The following ESR1 variants were observed in gnomAD, a reference collection of about 807,000 sequenced individuals.
ESR1 encodes estrogen receptor 1, also known as estrogen receptor.
Under a neutral mutation model 52.7 loss-of-function variants are expected in ESR1, and 12 were observed. The ratio of observed to expected loss-of-function variants is 0.23; its 90% CI spans 0.15 to 0.37. The LOEUF (loss-of-function observed/expected upper bound fraction) is 0.37. Among genes scored for constraint, ESR1 ranks in the 10% least tolerant of loss-of-function variants. The pLI is 1.00. For synonymous variants in ESR1, 305 were observed against 316.8 expected, an observed-to-expected ratio of 0.96 and a Z score of 0.39; for missense variants, 584 against 779.7, an observed-to-expected ratio of 0.75 and a Z score of 2.99.
chr6:151,905,159 C>A (rs951740510), intron 3 of ESR1, among the ~76,000 whole-genome samples: 1 of 152,102 alleles, frequency 6.6e-6, no homozygotes, highest in East Asian at 1.9e-4. Context: ...GAGTAGAGAA[C>A]TCAAACAGCA....
At chr6:152,107,240 A>G (rs1245115506), downstream of ESR1, among the ~76,000 whole-genome samples, 1 of 152,016 alleles carries the variant, frequency 6.6e-6, no homozygotes, top group Non-Finnish European at 1.5e-5. Flanking sequence ...ATATGTTGGT[A>G]TGCTTGATGT....
chr6:152,042,709 G>A (rs2045909869), intron 5 of ESR1, among the ~76,000 whole-genome samples: 1 of 152,106 alleles, frequency 6.6e-6, no homozygotes, highest in South Asian at 2.1e-4. Flanking sequence ...ACTTGACCTG[G>A]AAGTTTTCTG....
intron 2 of ESR1, among the ~76,000 whole-genome samples, chr6:151,732,033 C>T (rs749554512): frequency 6.6e-6 from 1 of 152,060 alleles, no homozygotes; most frequent in Non-Finnish European, 1.5e-5. Flanking sequence ...CTTAGATCAC[C>T]CTTATTAACT....
intron 2 of ESR1, among the ~76,000 whole-genome samples, chr6:151,788,640 G>A (rs1048544236): frequency 1.3e-5 from 2 of 152,096 alleles, no homozygotes; most frequent in African/African-American, 2.4e-5. Flanking sequence ...CTATCATAAC[G>A]ACACATACAT....
chr6:151,867,261 A>G (rs1220530634), intron 2 of ESR1, among the ~76,000 whole-genome samples: 1 of 152,220 alleles, frequency 6.6e-6, no homozygotes. Context: ...TATAATTGAC[A>G]AATGGGATCT....
chr6:151,751,802 C>T (rs1288778693), intron 2 of ESR1, among the ~76,000 whole-genome samples: 2 of 152,164 alleles, frequency 1.3e-5, no homozygotes, highest in East Asian at 3.8e-4. Flanking sequence ...TGGTACAGCA[C>T]ACCAGGAGAG....
At chr6:151,797,068 A>G (rs949068569) in intron 2 of ESR1, among the ~76,000 whole-genome samples, 2 of 152,236 alleles carry the variant, frequency 1.3e-5, no homozygotes, top group Non-Finnish European at 2.9e-5. Context: ...CAGAGTTTCT[A>G]CTGTAATTCC....
At chr6:151,740,285 A>ATTTTTTTTTTTTTTTTTTTTT (rs386408967) in intron 2 of ESR1, among the ~76,000 whole-genome samples, 15 of 108,002 alleles carry the variant, frequency 1.4e-4, no homozygotes, top group Non-Finnish European at 2.2e-4. Context: ...TGCCTGGCTA[A>ATTTTTTTTTTTTTTTTTTTTT]TTTTTTTTTT....
intron 2 of ESR1, among the ~76,000 whole-genome samples, chr6:151,853,197 A>AAAGAG (rs1554269040): frequency 7.1e-6 from 1 of 140,250 alleles, no homozygotes; most frequent in Non-Finnish European, 1.5e-5. Flanking sequence ...AAAAAAAAAA[A>AAAGAG]AGAGAAAGAA....
chr6:151,686,716 C>A (rs1390898938), upstream of ESR1, among the ~76,000 whole-genome samples: 1 of 114,932 alleles, frequency 8.7e-6, no homozygotes, highest in African/African-American at 4.3e-5. Context: ...AACCAACCAA[C>A]CAACCAACCA....
rs535511493 is a variant in ESR1 at position 151,849,088 on chromosome 6, C to T, written c.643+6301C>T. Among the ~76,000 whole-genome samples, 22 of 152,146 alleles carry T rather than the reference C, an allele frequency of 1.4e-4. 1 individual carries two copies. The highest frequency in any genetic ancestry group is 3.3e-4 in the Admixed American group (5 of 15,268). On this transcript the variant is annotated intron_variant, in intron 2 of 7. Transcript: ENST00000206249. ...GGTTTCTTGTCATTCAGATTCTGCC[C>T]AAAGTCACTTTCTCAGAAGTAGTGT...
At chr6:151,996,053 A>G (rs1194533111) in intron 4 of ESR1, among the ~76,000 whole-genome samples, 1 of 152,152 alleles carries the variant, frequency 6.6e-6, no homozygotes, top group Non-Finnish European at 1.5e-5. Flanking sequence ...CACACTGAAT[A>G]TCATCTCCCT....
At chr6:152,097,468 T>C (rs1403151798) in intron 7 of ESR1, among the ~76,000 whole-genome samples, 1 of 152,064 alleles carries the variant, frequency 6.6e-6, no homozygotes, top group African/African-American at 2.4e-5. Context: ...ATAGCTTTGA[T>C]GTTGTGTTTT....
chr6:151,836,088 G>A (rs1425292772), intron 1 of ESR1, among the ~76,000 whole-genome samples: 1 of 152,126 alleles, frequency 6.6e-6, no homozygotes, highest in African/African-American at 2.4e-5. Flanking sequence ...GTGGAGTATT[G>A]TTGATCTCTC....
intron 2 of ESR1, among the ~76,000 whole-genome samples, chr6:151,864,964 G>A (rs1406513770): frequency 1.3e-5 from 2 of 149,910 alleles, no homozygotes; most frequent in Non-Finnish European, 3.0e-5. Context: ...GGGAGGGATA[G>A]CATTAGGAGA....
chr6:151,734,422 C>T (rs1483341760), intron 2 of ESR1, among the ~76,000 whole-genome samples: 1 of 152,060 alleles, frequency 6.6e-6, no homozygotes, highest in African/African-American at 2.4e-5. Context: ...TCTTGGCCAC[C>T]TCAGTTGCTA....
intron 3 of ESR1, among the ~76,000 whole-genome samples, chr6:151,938,593 A>G (rs1297068137): frequency 6.6e-6 from 1 of 152,142 alleles, no homozygotes. Context: ...CCGACTTTGA[A>G]GAGATTCCTT....
chr6:152,000,066 G>T (rs1376771051), intron 4 of ESR1, among the ~76,000 whole-genome samples: 1 of 152,034 alleles, frequency 6.6e-6, no homozygotes, highest in Non-Finnish European at 1.5e-5. Flanking sequence ...GTAATACAAT[G>T]ATAGGTACCA....
intron 1 of ESR1, among the ~76,000 whole-genome samples, chr6:151,669,895 A>T (rs73619406): frequency 0.024 from 3,643 of 152,304 alleles, 124 homozygotes; most frequent in African/African-American, 0.077. Context: ...AGAAGGACAC[A>T]TGGGAGAGGG....
Sources: allele counts gnomAD v4.1 joint callset (sites outside exome capture counted in the v4.1 genomes callset), GRCh38; gene constraint gnomAD v4.1.1; transcripts MANE v1.5; gene names NCBI Gene and HGNC (gene_info 2026-07-23, HGNC 2026-07-21).